The following RASA2 variants were observed in gnomAD, a reference collection of about 807,000 sequenced individuals.
The protein encoded by RASA2 is ras GTPase-activating protein 2.
A neutral mutation model predicts 118.2 loss-of-function variants in RASA2; 155 were observed. The ratio of observed to expected loss-of-function variants is 1.31; its 90% CI spans 1.15 to 1.50. The LOEUF is 1.50. RASA2 is among the 40% of genes most tolerant of loss of function. RASA2 has a pLI of 0.00. For synonymous variants in RASA2, 353 were observed against 349.1 expected (o/e 1.01, Z -0.12); for missense variants, 1,016 against 1,009.6 (o/e 1.01, Z -0.09).
intron 3 of RASA2, among the ~76,000 whole-genome samples, chr3:141,522,746 C>T (rs996255803): frequency 3.3e-5 from 5 of 152,134 alleles, no homozygotes; most frequent in Non-Finnish European, 5.9e-5. Flanking sequence ...TTCTTCACCC[C>T]GTACACTTCA....
chr3:141,526,800 G>T (rs1437267458), intron 3 of RASA2, among the ~76,000 whole-genome samples: 1 of 152,188 alleles, frequency 6.6e-6, no homozygotes, highest in Non-Finnish European at 1.5e-5. Context: ...TGTTTATGCA[G>T]CTAGTCAGAG....
At chr3:141,597,838 GA>G (rs113074119) in intron 19 of RASA2, among the ~76,000 whole-genome samples, 8 of 149,754 alleles carry the variant, frequency 5.3e-5, no homozygotes, top group South Asian at 2.1e-4. Flanking sequence ...ACTGATAAAA[GA>G]AAAAAAAATC....
intron 17 of RASA2, among the ~76,000 whole-genome samples, chr3:141,585,237 G>A (rs1024038059): frequency 9.9e-5 from 15 of 152,072 alleles, no homozygotes; most frequent in Admixed American, 7.9e-4. Flanking sequence ...ACACCCCCCA[G>A]TGGAGCCTAG....
intron 9 of RASA2, among the ~76,000 whole-genome samples, chr3:141,560,323 G>A (rs963895443): frequency 1.3e-5 from 2 of 152,190 alleles, no homozygotes; most frequent in Admixed American, 6.5e-5. Context: ...TCACAAATCA[G>A]TGTCTGCATT....
chr3:141,498,294 A>G (rs886717164), intron 1 of RASA2, among the ~76,000 whole-genome samples: 2 of 152,240 alleles, frequency 1.3e-5, no homozygotes, highest in African/African-American at 4.8e-5. Flanking sequence ...TTATGTTACC[A>G]AAGCCCACAT....
chr3:141,599,795 TA>T (rs1316671934), intron 19 of RASA2, among the ~76,000 whole-genome samples: 2 of 152,012 alleles, frequency 1.3e-5, no homozygotes, highest in Non-Finnish European at 2.9e-5. Flanking sequence ...GGATTCCTAC[TA>T]AAAAGGAATA....
At position 141,610,431 on chromosome 3, in the gene RASA2, ATTTATATT is replaced by A. The variant is rs1559799705; in HGVS notation, c.2519+367_2519+374del. On this transcript the variant is annotated intron_variant, in intron 23 of 23. Transcript: ENST00000286364. ...ATATATTTATATTTATATATTATATATTTATATTTATATATTATATATTTATATTTATA... is the reference window on the plus strand; with the variant it reads ...ATATATTTATATTTATATATTATATATATATATTATATATTTATATTTATA... 4.1e-3 allele frequency among the ~76,000 whole-genome samples: 435 copies of A among 105,598 alleles called. 9 individuals are homozygous for A. Among genetic ancestry groups the A allele is most frequent in the African/African-American group, 0.019 (409 of 21,632 alleles). 69.3% of individuals were successfully genotyped at this position (105,598 alleles called of 152,430 possible).
Position 141,615,173 on chromosome 3 carries a change from C to T in RASA2, c.*2860C>T, listed in dbSNP as rs2083710046. 1 of 152,052 alleles carries T rather than the reference C, an allele frequency of 6.6e-6. No homozygotes were observed. The highest frequency in any genetic ancestry group is 2.4e-5 in the African/African-American group (1 of 41,392). 9.4% of individuals were successfully genotyped at this position (152,052 alleles called of 1,614,324 possible). On this transcript the variant is annotated 3_prime_UTR_variant, in exon 24 of 24. Transcript: ENST00000286364. ...AGTAAATATTGGTTTTTACAGTACCCAGTTTGAAAATGTAAGTTATCAAAA... is the reference window on the plus strand; with the variant it reads ...AGTAAATATTGGTTTTTACAGTACCTAGTTTGAAAATGTAAGTTATCAAAA...
chr3:141,587,002 C>A, intron 19 of RASA2: 1 of 475,862 alleles, frequency 2.1e-6, no homozygotes. Context: ...TTCTAAAAAT[C>A]CATAGTAATC....
chr3:141,508,126 T>TAA (rs200289337), intron 1 of RASA2, among the ~76,000 whole-genome samples: 2 of 148,392 alleles, frequency 1.3e-5, no homozygotes, highest in Non-Finnish European at 3.0e-5. Flanking sequence ...ATGACTACAT[T>TAA]AAAAAAAAAA....
intron 19 of RASA2, among the ~76,000 whole-genome samples, chr3:141,606,328 C>T (rs2083548595): frequency 6.6e-6 from 1 of 152,126 alleles, no homozygotes; most frequent in Non-Finnish European, 1.5e-5. Flanking sequence ...TTATCTCATG[C>T]ATTTATGATT....
intron 9 of RASA2, among the ~76,000 whole-genome samples, chr3:141,560,519 C>T (rs1261200518): frequency 6.6e-6 from 1 of 152,088 alleles, no homozygotes; most frequent in African/African-American, 2.4e-5. Flanking sequence ...TGAGCTGGCA[C>T]TTTTTAGGGC....
In RASA2 at chr3:141,559,968, T is replaced by A; in HGVS notation, c.836T>A (p.Leu279Ter). Residue 279 changes from leucine (L) to a stop codon, truncating the protein, a stop_gained, in exon 9 of 24, where the codon TTA (leucine) becomes TAA (stop). Transcript: ENST00000286364. LOFTEE classifies it high-confidence loss of function. ...GAGATTAAGGTTCCTGTGAACGTAT[T>A]AAGAACTGATTCCTCTCATCAAGCC... is the stretch of plus-strand genomic sequence containing the variant. ...LGEIKVPVNV[L>*]RTDSSHQAWY... 1 of 1,613,198 alleles carries A rather than the reference T, an allele frequency of 6.2e-7. No homozygotes were observed. Among genetic ancestry groups the A allele is most frequent in the Non-Finnish European group, 8.5e-7 (1 of 1,179,328 alleles).
chr3:141,529,843 GA>G, intron 4 of RASA2, 41 bp downstream of exon 4: 1 of 1,441,998 alleles, frequency 6.9e-7, no homozygotes, highest in Non-Finnish European at 9.6e-7. Flanking sequence ...ATTGTCACAG[GA>G]AATGAGTAAA....
At chr3:141,521,273 G>A (rs1287954204) in intron 3 of RASA2, among the ~76,000 whole-genome samples, 1 of 152,142 alleles carries the variant, frequency 6.6e-6, no homozygotes, top group Non-Finnish European at 1.5e-5. Context: ...GGGAAGAAGA[G>A]ACTTGAAGAT....
chr3:141,492,908 C>T (rs892823052), intron 1 of RASA2, among the ~76,000 whole-genome samples: 4 of 152,110 alleles, frequency 2.6e-5, no homozygotes, highest in East Asian at 1.9e-4. Flanking sequence ...AGCTGTGAAT[C>T]GGATGAAAGA....
At chr3:141,487,343 C>T (rs2081590181) in intron 1 of RASA2, 127 bp downstream of exon 1, 3 of 1,089,706 alleles carry the variant, frequency 2.8e-6, no homozygotes, top group South Asian at 4.5e-5. Context: ...GGGCCTGGGC[C>T]GGGCGCGGTT....
chr3:141,544,504 T>C (rs2151105803), intron 5 of RASA2, among the ~76,000 whole-genome samples: 1 of 152,342 alleles, frequency 6.6e-6, no homozygotes, highest in Non-Finnish European at 1.5e-5. Context: ...TGTTATGTCT[T>C]CAAGTTCACT....
chr3:141,506,090 AAC>A (rs2081861996), intron 1 of RASA2, among the ~76,000 whole-genome samples: 1 of 152,230 alleles, frequency 6.6e-6, no homozygotes, highest in Non-Finnish European at 1.5e-5. Context: ...AAAATTAGTT[AAC>A]AGTTATGTTG....
Sources: gnomAD v4.1 joint callset for allele counts (sites outside exome capture counted in the v4.1 genomes callset) on GRCh38, gnomAD v4.1.1 for gene constraint, MANE v1.5 for transcripts, NCBI Gene and HGNC (gene_info 2026-07-23, HGNC 2026-07-21) for gene names.